Variants in CHST6 observed in about 807,000 individuals in gnomAD.
The protein encoded by CHST6 is carbohydrate sulfotransferase 6, also known as N-acetylglucosamine 6-O-sulfotransferase 5.
For synonymous variants in CHST6, 309 were observed against 276.4 expected, an observed-to-expected ratio of 1.12 and a Z score of -1.17; for missense variants, 698 against 586.2, an observed-to-expected ratio of 1.19 and a Z score of -1.97.
intron 1 of CHST6, among the ~76,000 whole-genome samples, chr16:75,492,386 C>A (rs922769012): frequency 2.0e-5 from 3 of 152,228 alleles, no homozygotes; most frequent in Non-Finnish European, 4.4e-5. Flanking sequence ...TGGGACTGTG[C>A]TTTTAGCACA....
intron 1 of CHST6, among the ~76,000 whole-genome samples, chr16:75,485,650 A>G (rs1227328146): frequency 6.6e-6 from 1 of 152,232 alleles, no homozygotes; most frequent in African/African-American, 2.4e-5. Flanking sequence ...AAGATGTGAA[A>G]AGTAGAACAA....
chr16:75,493,686 T>C (rs1255447455), intron 1 of CHST6, among the ~76,000 whole-genome samples: 2 of 152,162 alleles, frequency 1.3e-5, no homozygotes, highest in Non-Finnish European at 2.9e-5. Flanking sequence ...ACTTATATTC[T>C]ATGAATCCAA....
chr16:75,480,927 CAAAAAAAAAA>C (rs60465949), intron 2 of CHST6, among the ~76,000 whole-genome samples: 2 of 111,400 alleles, frequency 1.8e-5, no homozygotes, highest in Non-Finnish European at 3.4e-5. Context: ...AACTTCATTC[CAAAAAAAAAA>C]AAAAAAAAAG....
Position 75,487,775 on chromosome 16 carries a change from G to A in CHST6, c.-91-5884C>T, listed in dbSNP as rs557757521. On this transcript the variant is annotated intron_variant, in intron 1 of 2. Coordinates refer to ENST00000332272, the MANE Select transcript of CHST6 (RefSeq NM_021615.5). ...GATCGTGCCACTGCACTCCAGCCTGGGTGACAGACAGAGTGAGACTCCGTC... is the reference window on the plus strand; with the variant it reads ...GATCGTGCCACTGCACTCCAGCCTGAGTGACAGACAGAGTGAGACTCCGTC... 2.7e-3 allele frequency among the ~76,000 whole-genome samples: 398 copies of A among 147,898 alleles called. 2 individuals carry two copies. The highest frequency in any genetic ancestry group is 9.6e-3 in the African/African-American group (381 of 39,834).
At chr16:75,491,190 A>AAAAAAAAATATATATAT (rs1206595857) in intron 1 of CHST6, among the ~76,000 whole-genome samples, 1 of 50,090 alleles carries the variant, frequency 2.0e-5, no homozygotes, top group Non-Finnish European at 3.0e-5. Context: ...AAAAAAAAAA[A>AAAAAAAAATATATATAT]ATATATATAT....
intron 1 of CHST6, among the ~76,000 whole-genome samples, chr16:75,491,536 AT>A (rs1342001098): frequency 6.6e-6 from 1 of 151,594 alleles, no homozygotes; most frequent in Non-Finnish European, 1.5e-5. Flanking sequence ...CGCCTGGCTA[AT>A]TTTTTGTATT....
chr16:75,481,757 G>C (rs777308766), intron 2 of CHST6, 60 bp downstream of exon 2: 1 of 467,572 alleles, frequency 2.1e-6, no homozygotes, highest in Non-Finnish European at 4.3e-6. Context: ...AGCTGGGATG[G>C]AGCCAGAGAA....
intron 1 of CHST6, among the ~76,000 whole-genome samples, chr16:75,492,197 A>G (rs900914631): frequency 6.6e-6 from 1 of 152,262 alleles, no homozygotes; most frequent in Non-Finnish European, 1.5e-5. Context: ...GGCATTTCAG[A>G]GCAGATAAGC....
chr16:75,493,721 C>G (rs1052619019), intron 1 of CHST6, among the ~76,000 whole-genome samples: 4 of 152,156 alleles, frequency 2.6e-5, no homozygotes, highest in African/African-American at 9.7e-5. Context: ...ATGAGGAAAA[C>G]CCAAGGACAA....
chr16:75,482,668 G>A (rs960723472), intron 1 of CHST6, among the ~76,000 whole-genome samples: 1 of 152,156 alleles, frequency 6.6e-6, no homozygotes, highest in Non-Finnish European at 1.5e-5. Context: ...ATGATCTCAA[G>A]GCTGGGTGAC....
rs1239164309 is a variant in CHST6 at position 75,477,994 on chromosome 16, GCCT to G, written c.*644_*646del. On this transcript the variant is annotated 3_prime_UTR_variant, in exon 3 of 3. Coordinates refer to ENST00000332272, the MANE Select transcript of CHST6 (RefSeq NM_021615.5). Reference sequence around the variant, plus strand: ...ATAAACTCTGGTCTCAGCATTCACAGCCTCCTCTATCTCTCAGCTGTGTCCCTG... The same window carrying G: ...ATAAACTCTGGTCTCAGCATTCACAGCCTCTATCTCTCAGCTGTGTCCCTG... The G allele has an allele frequency of 1.9e-5, 3 of 156,560 alleles. No homozygotes were observed. Among genetic ancestry groups the G allele is most frequent in the African/African-American group, 7.2e-5 (3 of 41,450 alleles). 9.7% of individuals were successfully genotyped at this position (156,560 alleles called of 1,614,324 possible).
intron 2 of CHST6, among the ~76,000 whole-genome samples, 154 bp downstream of exon 2, chr16:75,481,663 G>A (rs1396999426): frequency 1.3e-5 from 2 of 152,190 alleles, no homozygotes; most frequent in African/African-American, 4.8e-5. Flanking sequence ...CACCGGTAGG[G>A]GGTGAAGTGC....
At position 75,472,388 on chromosome 16, in the gene CHST6, C is replaced by T. The variant is rs544791104; in HGVS notation, c.*6253G>A. 7.9e-5 allele frequency: 12 copies of T among 151,944 alleles called. No individual in the cohort carries two copies. In the South Asian group the frequency reaches 2.3e-3, roughly 29 times the overall value. 9.4% of individuals were successfully genotyped at this position (151,944 alleles called of 1,614,324 possible). ...AAGCTAGGAGAAACCATTTGCACAA[C>T]AAAAATAACAAAGCATATTCAAAAG... On this transcript the variant is annotated 3_prime_UTR_variant, in exon 3 of 3. Transcript: ENST00000332272.
intron 1 of CHST6, among the ~76,000 whole-genome samples, chr16:75,492,626 A>G: frequency 6.6e-6 from 1 of 152,236 alleles, no homozygotes; most frequent in Non-Finnish European, 1.5e-5. Context: ...AGACAGGCAG[A>G]TCACCTTAGG....
In CHST6 at chr16:75,473,631, A is replaced by G. The variant is rs2151661884; in HGVS notation, c.*5010T>C. ...CGATATAAACTCTCCATCACTGGACACAACCCTTGACTCAGAGGTGGTACC... is the reference window on the plus strand; with the variant it reads ...CGATATAAACTCTCCATCACTGGACGCAACCCTTGACTCAGAGGTGGTACC... On this transcript the variant is annotated 3_prime_UTR_variant, in exon 3 of 3. Transcript: ENST00000332272. 1 of 152,302 alleles carries G rather than the reference A, an allele frequency of 6.6e-6. No homozygotes were observed. The highest frequency in any genetic ancestry group is 3.4e-3 in the Middle Eastern group (1 of 294). The allele number at this position is 152,302 out of a possible 1,614,324, so 9.4% of individuals were successfully genotyped here.
At chr16:75,491,190 A>AAAAATATAT (rs1206595857) in intron 1 of CHST6, among the ~76,000 whole-genome samples, 129 of 50,014 alleles carry the variant, frequency 2.6e-3, no homozygotes, top group African/African-American at 4.6e-3. Context: ...AAAAAAAAAA[A>AAAAATATAT]ATATATATAT....
At chr16:75,482,923 T>G (rs1039791918) in intron 1 of CHST6, among the ~76,000 whole-genome samples, 12 of 151,894 alleles carry the variant, frequency 7.9e-5, no homozygotes, top group African/African-American at 2.9e-4. Context: ...ACAGGGAGAG[T>G]AGCCACTCAT....
chr16:75,481,254 C>A (rs988661409), intron 2 of CHST6, among the ~76,000 whole-genome samples: 1 of 151,860 alleles, frequency 6.6e-6, no homozygotes, highest in South Asian at 2.1e-4. Flanking sequence ...CCAGCTTGGG[C>A]GATAGAGTGA....
At chr16:75,491,191 ATAT>A (rs1392711792) in intron 1 of CHST6, among the ~76,000 whole-genome samples, 449 of 40,854 alleles carry the variant, frequency 0.011, 8 homozygotes, top group Non-Finnish European at 0.015. Context: ...AAAAAAAAAA[ATAT>A]ATATATATAT....
Sources: gnomAD v4.1 joint callset for allele counts (sites outside exome capture counted in the v4.1 genomes callset) on GRCh38, gnomAD v4.1.1 for gene constraint, MANE v1.5 for transcripts, NCBI Gene and HGNC (gene_info 2026-07-23, HGNC 2026-07-21) for gene names.